Variants in PPP3CA observed in about 807,000 individuals in gnomAD.
PPP3CA encodes the protein CAM-PRP catalytic subunit.
Under a neutral mutation model 66.5 loss-of-function variants are expected in PPP3CA, and 14 were observed. That is an observed-to-expected ratio of 0.21 (90% CI 0.14 to 0.33). The LOEUF is 0.33. Ranked by LOEUF, PPP3CA falls within the 10% of genes least tolerant of loss-of-function variation. The pLI is 1.00. For missense variants in PPP3CA, 317 were observed against 639.5 expected, an observed-to-expected ratio of 0.50 and a Z score of 5.44; for synonymous variants, 232 against 226.2, an observed-to-expected ratio of 1.03 and a Z score of -0.23.
chr4:101,040,713 T>C, intron 10 of PPP3CA, 147 bp from the exon 11 acceptor site: 4 of 646,158 alleles, frequency 6.2e-6, no homozygotes, highest in Non-Finnish European at 9.9e-6. Context: ...TAAATCAAAT[T>C]TGAAAATTTA....
intron 1 of PPP3CA, among the ~76,000 whole-genome samples, chr4:101,259,778 T>C (rs2110254300): frequency 6.6e-6 from 1 of 152,258 alleles, no homozygotes; most frequent in South Asian, 2.1e-4. Context: ...AGATCTGGAC[T>C]GGCAAATTAA....
chr4:101,098,490 G>C lies in PPP3CA; in HGVS notation c.519C>G (p.Arg173=). ...AGGCATCCATACAGGCATCATATAC[G>C]CGTTCTGAATACTTTATTTTACCTT... ...KQECKIKYSE[R]VYDACMDAFD... The change falls in exon 5 of 14, where the codon CGC becomes CGG. Residue 173 remains arginine, a synonymous_variant. Coordinates refer to ENST00000394854, the MANE Select transcript of PPP3CA (RefSeq NM_000944.5). 1 of 1,608,790 alleles carries C rather than the reference G, an allele frequency of 6.2e-7. No individual in the cohort carries two copies. Among genetic ancestry groups the C allele is most frequent in the East Asian group, 2.2e-5 (1 of 44,636 alleles).
intron 1 of PPP3CA, among the ~76,000 whole-genome samples, chr4:101,301,252 T>C (rs989051219): frequency 5.3e-5 from 8 of 151,742 alleles, no homozygotes; most frequent in African/African-American, 1.7e-4. Context: ...TTGTGTTTAC[T>C]GAAACTACAA....
chr4:101,210,531 AAC>A (rs2110204382), intron 1 of PPP3CA, among the ~76,000 whole-genome samples: 1 of 152,310 alleles, frequency 6.6e-6, no homozygotes, highest in Non-Finnish European at 1.5e-5. Flanking sequence ...TTACTGGCAC[AAC>A]ACAAATTTCA....
intron 2 of PPP3CA, among the ~76,000 whole-genome samples, chr4:101,115,567 A>G (rs968445339): frequency 6.6e-5 from 10 of 152,016 alleles, no homozygotes; most frequent in Non-Finnish European, 1.0e-4. Context: ...CAATTAAATT[A>G]TTGCATTAGA....
intron 1 of PPP3CA, among the ~76,000 whole-genome samples, chr4:101,202,270 A>G (rs888448462): frequency 8.5e-5 from 13 of 152,182 alleles, no homozygotes; most frequent in African/African-American, 3.1e-4. Flanking sequence ...GAATATGTCT[A>G]TTGTAAAACA....
intron 1 of PPP3CA, among the ~76,000 whole-genome samples, chr4:101,344,807 G>A (rs935270977): frequency 7.9e-5 from 12 of 152,204 alleles, no homozygotes; most frequent in African/African-American, 2.9e-4. Flanking sequence ...AACAGGGAAT[G>A]TGACCTTATG....
rs547264269 is a variant in PPP3CA, at chr4:101,163,530, C to T, written c.259+32386G>A. Among the ~76,000 whole-genome samples the T allele has an allele frequency of 5.1e-4, 77 of 152,184 alleles. 1 individual carries two copies. In the East Asian group the frequency reaches 0.014, roughly 27 times the overall value. ...GCTTTAATGAGGACAAGAGAATATTCTCTCATCCTTTCTTATTCCCACCCT... is the reference window on the plus strand; with the variant it reads ...GCTTTAATGAGGACAAGAGAATATTTTCTCATCCTTTCTTATTCCCACCCT... On this transcript the variant is annotated intron_variant, in intron 2 of 13. Transcript: ENST00000394854.
intron 1 of PPP3CA, among the ~76,000 whole-genome samples, chr4:101,336,207 C>T (rs551046385): frequency 6.7e-6 from 1 of 149,408 alleles, no homozygotes; most frequent in African/African-American, 2.5e-5. Context: ...AAGAGCAAAA[C>T]TTTGTCCCCC....
intron 1 of PPP3CA, among the ~76,000 whole-genome samples, chr4:101,199,898 T>C (rs1167085837): frequency 1.3e-5 from 2 of 152,214 alleles, no homozygotes; most frequent in Admixed American, 1.3e-4. Context: ...TAACTATTAT[T>C]AAAGCTGTTG....
chr4:101,328,866 C>G (rs1329104883), intron 1 of PPP3CA, among the ~76,000 whole-genome samples: 1 of 152,046 alleles, frequency 6.6e-6, no homozygotes, highest in Non-Finnish European at 1.5e-5. Context: ...ACAAATTTAA[C>G]AAATAAATGT....
chr4:101,074,715 G>C (rs1729104973), intron 8 of PPP3CA, among the ~76,000 whole-genome samples: 1 of 152,106 alleles, frequency 6.6e-6, no homozygotes, highest in South Asian at 2.1e-4. Flanking sequence ...GAAAATATAT[G>C]AGGATATGGA....
chr4:101,196,025 A>G lies in PPP3CA; in HGVS notation c.150T>C (p.Leu50=), dbSNP rs776361684. The G allele has an allele frequency of 1.2e-6, 2 of 1,613,998 alleles. No homozygotes were observed. The highest frequency in any genetic ancestry group is 8.5e-7 in the Non-Finnish European group (1 of 1,179,964). ...TCTCTTCCAGCCTTCCCTCCTTCAT[A>G]AGATGCGCCTTTAAGATATCCACAC... ...KPRVDILKAH[L]MKEGRLEESV... is the part of the protein sequence containing the mutation. The change falls in exon 2 of 14, where the codon CTT becomes CTC. Residue 50 remains leucine (L), a synonymous_variant. Transcript: ENST00000394854.
intron 2 of PPP3CA, among the ~76,000 whole-genome samples, chr4:101,175,538 T>A (rs544632742): frequency 6.6e-6 from 1 of 152,200 alleles, no homozygotes; most frequent in African/African-American, 2.4e-5. Context: ...GCTGCAATGC[T>A]GTATTATAAC....
chr4:101,171,104 TC>T, intron 2 of PPP3CA: 1 of 447,772 alleles, frequency 2.2e-6, no homozygotes, highest in South Asian at 1.6e-5. Flanking sequence ...CAGAGAAAAG[TC>T]CTTTGGGTGG....
intron 8 of PPP3CA, among the ~76,000 whole-genome samples, chr4:101,079,616 C>T (rs1366354022): frequency 1.3e-5 from 2 of 152,116 alleles, no homozygotes; most frequent in Non-Finnish European, 2.9e-5. Flanking sequence ...CTCCTGACTT[C>T]GTGATCCATT....
rs534070244 is a variant in PPP3CA at position 101,129,544 on chromosome 4, G to A, written c.260-20466C>T. Among the ~76,000 whole-genome samples, 8 of 152,312 alleles carry A rather than the reference G, an allele frequency of 5.3e-5. 1 individual carries two copies. The South Asian group carries it at 1.7e-3, about 32-fold the overall frequency. On this transcript the variant is annotated intron_variant, in intron 2 of 13. Transcript: ENST00000394854. ...GCCCCTCTGGGACAAAGCTTCTAGA[G>A]GAAGGAACAAGCAGCAATCTGTTGT...
intron 1 of PPP3CA, among the ~76,000 whole-genome samples, chr4:101,245,982 T>C (rs527704570): frequency 5.3e-5 from 8 of 152,262 alleles, no homozygotes; most frequent in Admixed American, 3.9e-4. Flanking sequence ...GTTGCTCATG[T>C]TGTCTCTCCA....
rs2850991 is a variant in PPP3CA at position 101,196,166 on chromosome 4, A to G, written c.59-50T>C. 0.14 allele frequency: 206,858 copies of G among 1,525,286 alleles called. 22,898 individuals carry two copies. Among genetic ancestry groups the G allele is most frequent in the African/African-American group, 0.53 (38,492 of 72,704 alleles). 94.5% of individuals were successfully genotyped at this position (1,525,286 alleles called of 1,614,324 possible). ...TACATTAGCCAAAACTCAACAACAA[A>G]CAATGCAATAATAACCACCAAATAT... On this transcript the variant is annotated intron_variant, in intron 1 of 13. Transcript: ENST00000394854.
Sources: allele counts gnomAD v4.1 joint callset (sites outside exome capture counted in the v4.1 genomes callset), GRCh38; gene constraint gnomAD v4.1.1; transcripts MANE v1.5; gene names NCBI Gene and HGNC (gene_info 2026-07-23, HGNC 2026-07-21).